DIS3L2: variants seen among roughly 807,000 people sequenced by gnomAD.
DIS3L2 encodes the protein DIS3 like 3'-5' exoribonuclease 2, also known as DIS3-like exonuclease 2.
In DIS3L2, 34 loss-of-function variants were observed where a neutral mutation model predicts 97.5. That is an observed-to-expected ratio of 0.35 (90% CI 0.27 to 0.46). DIS3L2 has a LOEUF of 0.46. Among genes scored for constraint, DIS3L2 ranks in the 20% least tolerant of loss-of-function variants. The pLI is 1.00. For missense variants in DIS3L2, 1,038 were observed against 1,146.0 expected (o/e 0.91, Z 1.36); for synonymous variants, 435 against 445.2 (o/e 0.98, Z 0.29).
intron 13 of DIS3L2, among the ~76,000 whole-genome samples, chr2:232,270,741 G>A (rs2106288760): frequency 6.6e-6 from 1 of 152,334 alleles, no homozygotes; most frequent in Admixed American, 6.5e-5. Flanking sequence ...TTCCAGAGAG[G>A]TTGTACCAAT....
At chr2:232,099,490 C>T (rs1408170524) in intron 6 of DIS3L2, among the ~76,000 whole-genome samples, 2 of 152,188 alleles carry the variant, frequency 1.3e-5, no homozygotes, top group Non-Finnish European at 2.9e-5. Flanking sequence ...GCTGGGATTA[C>T]AGGCATGAGC....
chr2:232,202,672 A>G (rs3103286), intron 9 of DIS3L2, among the ~76,000 whole-genome samples: 101,888 of 152,126 alleles, frequency 0.67, 35,648 homozygotes, highest in African/African-American at 0.85. Context: ...ATTTCTTTCT[A>G]CTGGCCATAT....
chr2:232,182,320 T>C (rs1691308827), intron 9 of DIS3L2, among the ~76,000 whole-genome samples: 1 of 152,256 alleles, frequency 6.6e-6, no homozygotes, highest in East Asian at 1.9e-4. Flanking sequence ...TTAGTCCTTG[T>C]ATATTTATTG....
chr2:231,988,656 G>A (rs1441888620), intron 1 of DIS3L2, among the ~76,000 whole-genome samples: 2 of 152,130 alleles, frequency 1.3e-5, no homozygotes, highest in East Asian at 3.9e-4. Flanking sequence ...GCAGGAAGAT[G>A]GTTCTTAGCA....
At chr2:232,064,346 C>T (rs894116266) in intron 5 of DIS3L2, among the ~76,000 whole-genome samples, 3 of 152,216 alleles carry the variant, frequency 2.0e-5, no homozygotes, top group South Asian at 2.1e-4. Context: ...TTTCTATTAG[C>T]GTGCGCATGT....
At chr2:232,027,437 C>G (rs544128604) in intron 4 of DIS3L2, among the ~76,000 whole-genome samples, 2 of 152,258 alleles carry the variant, frequency 1.3e-5, no homozygotes, top group East Asian at 3.9e-4. Context: ...TTTGCTCTGA[C>G]AGTAGGACAT....
intron 7 of DIS3L2, among the ~76,000 whole-genome samples, chr2:232,135,256 AGAT>A (rs745469586): frequency 4.6e-5 from 7 of 152,158 alleles, no homozygotes; most frequent in Non-Finnish European, 7.3e-5. Flanking sequence ...GGAGGCCAGG[AGAT>A]GATAATAATA....
intron 5 of DIS3L2, among the ~76,000 whole-genome samples, chr2:232,046,594 A>G (rs149610646): frequency 5.1e-4 from 78 of 152,306 alleles, no homozygotes; most frequent in African/African-American, 1.7e-3. Context: ...TCAAGTAATT[A>G]TAACGAATTC....
intron 5 of DIS3L2, among the ~76,000 whole-genome samples, chr2:232,080,297 G>T (rs1309898355): frequency 6.6e-6 from 1 of 152,056 alleles, no homozygotes; most frequent in Non-Finnish European, 1.5e-5. Context: ...GGGGATCAAG[G>T]GTTCTCTTGT....
At chr2:232,233,169 G>A (rs965118654) in intron 10 of DIS3L2, among the ~76,000 whole-genome samples, 1 of 152,230 alleles carries the variant, frequency 6.6e-6, no homozygotes, top group Non-Finnish European at 1.5e-5. Flanking sequence ...ATGTGCCTTA[G>A]TCCATTCAGG....
At chr2:232,022,102 A>AGTTAAAT (rs1187440583) in intron 3 of DIS3L2, among the ~76,000 whole-genome samples, 1 of 152,174 alleles carries the variant, frequency 6.6e-6, no homozygotes, top group African/African-American at 2.4e-5. Flanking sequence ...AGTATCCTTT[A>AGTTAAAT]GTTAAATGAC....
intron 10 of DIS3L2, among the ~76,000 whole-genome samples, chr2:232,213,647 T>G (rs1692251584): frequency 1.3e-5 from 2 of 150,184 alleles, no homozygotes; most frequent in African/African-American, 4.9e-5. Flanking sequence ...CTCGGTCTAT[T>G]TATATCATCT....
rs148532722 is a variant in DIS3L2, at chr2:231,972,224, G to A, written c.-94+10459G>A. On this transcript the variant is annotated intron_variant, in intron 1 of 20. Coordinates refer to ENST00000325385, the MANE Select transcript of DIS3L2 (RefSeq NM_152383.5). ...AAAAAATAAATAAAAATAAAAAATA[G>A]GAGTATACTCTAAAATAATGATAAA... Among the ~76,000 whole-genome samples, 613 of 152,066 alleles carry A rather than the reference G, an allele frequency of 4.0e-3. 5 individuals carry two copies. The highest frequency in any genetic ancestry group is 0.014 in the African/African-American group (574 of 41,512).
At chr2:232,273,186 C>T (rs1376427287) in intron 13 of DIS3L2, among the ~76,000 whole-genome samples, 3 of 152,130 alleles carry the variant, frequency 2.0e-5, no homozygotes, top group Non-Finnish European at 2.9e-5. Context: ...CCTAGGGTTT[C>T]CCTGATACTT....
In DIS3L2 at chr2:232,130,924, G is replaced by A. The variant is rs1164529916; in HGVS notation, c.702+205G>A. The A allele has an allele frequency of 1.2e-5, 8 of 689,396 alleles. No individual in the cohort carries two copies. The Admixed American group carries it at 2.9e-4, about 25-fold the overall frequency. The allele number at this position is 689,396 out of a possible 1,614,324, so 42.7% of individuals were successfully genotyped here. A position where few individuals can be genotyped will look rare whatever the true frequency, so the allele number is the denominator to read the frequency against. On this transcript the variant is annotated intron_variant, in intron 7 of 20. Transcript: ENST00000325385. ...TTCCTGCCTTTGGATAAGGGGTCAA[G>A]GCCTTTTCTTTGAGTGTGGGTATGT...
At chr2:231,989,790 G>A (rs1693533949) in intron 1 of DIS3L2, among the ~76,000 whole-genome samples, 2 of 152,106 alleles carry the variant, frequency 1.3e-5, no homozygotes, top group African/African-American at 4.8e-5. Context: ...AGCTGTGATC[G>A]TACCACTGCA....
intron 8 of DIS3L2, among the ~76,000 whole-genome samples, chr2:232,137,465 A>G (rs550246484): frequency 3.9e-5 from 6 of 152,368 alleles, no homozygotes; most frequent in South Asian, 4.1e-4. Flanking sequence ...GGAAATGACT[A>G]TAAAGGTATA....
At chr2:232,082,214 G>C (rs889135768) in intron 5 of DIS3L2, among the ~76,000 whole-genome samples, 2 of 152,158 alleles carry the variant, frequency 1.3e-5, no homozygotes, top group Admixed American at 1.3e-4. Context: ...TGTGTTTTAG[G>C]ATAATAACAT....
intron 13 of DIS3L2, among the ~76,000 whole-genome samples, chr2:232,289,101 C>A (rs1051249504): frequency 1.3e-4 from 20 of 152,066 alleles, no homozygotes; most frequent in Non-Finnish European, 7.4e-5. Context: ...TTATCTCTTA[C>A]AACAAACCCC....
Sources: allele counts gnomAD v4.1 joint callset (sites outside exome capture counted in the v4.1 genomes callset), GRCh38; gene constraint gnomAD v4.1.1; transcripts MANE v1.5; gene names NCBI Gene and HGNC (gene_info 2026-07-23, HGNC 2026-07-21).